DNAH14: variants seen among roughly 807,000 people sequenced by gnomAD.
DNAH14 encodes the protein dynein axonemal heavy chain 14.
In DNAH14, 478 loss-of-function variants were observed where a neutral mutation model predicts 520.9. The observed-to-expected ratio is 0.92, with a 90% CI of 0.85 to 0.99. The LOEUF (loss-of-function observed/expected upper bound fraction) is 0.99. Among genes scored for constraint, DNAH14 ranks in the 50% least tolerant of loss-of-function variants. The probability of loss-of-function intolerance (pLI) is 0.00; values close to 1 mark genes in which losing one functional copy is unlikely to be tolerated. For synonymous variants in DNAH14, 1,581 were observed against 1,757.2 expected, an observed-to-expected ratio of 0.90 and a Z score of 2.51; for missense variants, 4,831 against 5,234.5, an observed-to-expected ratio of 0.92 and a Z score of 2.38.
chr1:225,158,892 A>G lies in DNAH14; in HGVS notation c.5274-422A>G, dbSNP rs114274558. On this transcript the variant is annotated intron_variant, in intron 34 of 85. Coordinates refer to ENST00000682510, the MANE Select transcript of DNAH14 (RefSeq NM_001367479.1). ...TCTGGATCCATTGATGATGGCAGAC[A>G]TGTTTTCATAAGACCAGTTCTGTAG... Among the ~76,000 whole-genome samples the G allele has an allele frequency of 4.7e-3, 713 of 152,288 alleles. 4 individuals are homozygous for G. The highest frequency in any genetic ancestry group is 0.016 in the African/African-American group (667 of 41,566).
intron 36 of DNAH14, among the ~76,000 whole-genome samples, chr1:225,178,876 T>C (rs1352158033): frequency 6.6e-6 from 1 of 152,100 alleles, no homozygotes; most frequent in Non-Finnish European, 1.5e-5. Context: ...GTAATTGAAT[T>C]ATGGATCAAG....
intron 66 of DNAH14, among the ~76,000 whole-genome samples, chr1:225,335,997 G>GTA (rs2095033361): frequency 1.2e-5 from 1 of 84,746 alleles, no homozygotes; most frequent in Non-Finnish European, 2.4e-5. Flanking sequence ...ACACACATAT[G>GTA]CATATATGTA....
intron 81 of DNAH14, among the ~76,000 whole-genome samples, chr1:225,384,566 A>T (rs1471148703): frequency 6.6e-6 from 1 of 152,214 alleles, no homozygotes; most frequent in African/African-American, 2.4e-5. Flanking sequence ...ATCCCACAGA[A>T]ATACAAACTA....
intron 73 of DNAH14, among the ~76,000 whole-genome samples, chr1:225,356,653 C>A (rs2095432751): frequency 6.6e-6 from 1 of 151,998 alleles, no homozygotes; most frequent in Non-Finnish European, 1.5e-5. Flanking sequence ...TGGAGATATG[C>A]CTGTATATGT....
intron 15 of DNAH14, among the ~76,000 whole-genome samples, chr1:225,044,188 A>C (rs2067732356): frequency 6.6e-6 from 1 of 152,164 alleles, no homozygotes; most frequent in Non-Finnish European, 1.5e-5. Flanking sequence ...GAGTGCATAA[A>C]AGATGAGAAT....
chr1:225,177,837 G>T (rs2083497064), intron 36 of DNAH14, among the ~76,000 whole-genome samples: 1 of 152,160 alleles, frequency 6.6e-6, no homozygotes, highest in African/African-American at 2.4e-5. Context: ...GGAAATGTGG[G>T]GTTGAAGCCC....
intron 54 of DNAH14, 56 bp downstream of exon 54, chr1:225,277,558 A>G (rs532666292): frequency 1.3e-5 from 6 of 461,980 alleles, no homozygotes; most frequent in African/African-American, 6.0e-5. Context: ...ATAAATCCCA[A>G]TAAAATCTAC....
intron 74 of DNAH14, among the ~76,000 whole-genome samples, chr1:225,360,243 A>G (rs561525224): frequency 6.6e-6 from 1 of 152,332 alleles, no homozygotes; most frequent in South Asian, 2.1e-4. Context: ...TATCTAGTCT[A>G]TCATTGATGG....
intron 23 of DNAH14, among the ~76,000 whole-genome samples, chr1:225,107,407 A>T (rs952306653): frequency 2.6e-5 from 4 of 152,164 alleles, no homozygotes; most frequent in African/African-American, 9.7e-5. Flanking sequence ...ACTGAAACTG[A>T]GTTCCTTTTA....
chr1:225,359,766 T>C (rs1487451480), intron 74 of DNAH14, among the ~76,000 whole-genome samples: 1 of 152,210 alleles, frequency 6.6e-6, no homozygotes, highest in African/African-American at 2.4e-5. Flanking sequence ...AACAACAGAA[T>C]GGAAGCAAGG....
intron 27 of DNAH14, among the ~76,000 whole-genome samples, chr1:225,130,643 G>A (rs935699307): frequency 1.5e-5 from 2 of 130,944 alleles, no homozygotes; most frequent in Non-Finnish European, 3.2e-5. Context: ...ACACAGGAAG[G>A]GGAGCATCAC....
chr1:225,335,130 T>C (rs2094899829), intron 66 of DNAH14, among the ~76,000 whole-genome samples: 3 of 141,744 alleles, frequency 2.1e-5, no homozygotes, highest in Non-Finnish European at 4.6e-5. Context: ...TGTGTACATA[T>C]GTGCATGTGC....
At chr1:225,289,796 A>C (rs941099345) in intron 54 of DNAH14, 89 bp from the exon 55 acceptor site, 1 of 951,466 alleles carries the variant, frequency 1.1e-6, no homozygotes, top group Non-Finnish European at 1.4e-6. Flanking sequence ...TTACATCAAA[A>C]TTTCTAGCAC....
chr1:225,228,962 A>G lies in DNAH14; in HGVS notation c.6440-2111A>G, dbSNP rs140007391. Among the ~76,000 whole-genome samples the G allele has an allele frequency of 4.6e-5, 7 of 152,286 alleles. No homozygotes were observed. The East Asian group carries it at 1.4e-3, about 29-fold the overall frequency. ...CAAAGGAATGTAGAGGAGTTTATCT[A>G]AATAGCTTGTTTACTCATGTTGTCC... On this transcript the variant is annotated intron_variant, in intron 41 of 85. Coordinates refer to ENST00000682510, the MANE Select transcript of DNAH14 (RefSeq NM_001367479.1).
chr1:225,338,060 G>A lies in DNAH14; in HGVS notation c.10312-1G>A, dbSNP rs2150364672. 6.6e-7 allele frequency: 1 copy of A among 1,508,736 alleles called. No homozygotes were observed. Among genetic ancestry groups the A allele is most frequent in the Non-Finnish European group, 8.8e-7 (1 of 1,133,428 alleles). 93.5% of individuals were successfully genotyped at this position (1,508,736 alleles called of 1,614,324 possible). A position where few individuals can be genotyped will look rare whatever the true frequency, so the allele number is the denominator to read the frequency against. On this transcript the variant is annotated splice_acceptor_variant, in intron 67 of 85. Coordinates refer to ENST00000682510, the MANE Select transcript of DNAH14 (RefSeq NM_001367479.1). LOFTEE classifies it high-confidence loss of function. Reference sequence around the variant, plus strand: ...TTATTTTTGTCTATTGGGTTTTTCAGAATCTCCTTGAGACATTAGCTCCAG... The same window carrying A: ...TTATTTTTGTCTATTGGGTTTTTCAAAATCTCCTTGAGACATTAGCTCCAG...
intron 11 of DNAH14, chr1:225,024,173 A>T: frequency 1.0e-6 from 1 of 990,200 alleles, no homozygotes; most frequent in Non-Finnish European, 1.2e-6. Flanking sequence ...TAATTTAGCA[A>T]ATATATTTTT....
chr1:225,091,158 G>A (rs571952110), intron 21 of DNAH14, among the ~76,000 whole-genome samples: 1 of 152,184 alleles, frequency 6.6e-6, no homozygotes, highest in East Asian at 1.9e-4. Context: ...AAACAACTTA[G>A]AAAACGTATT....
chr1:225,382,434 C>T (rs899080731), intron 81 of DNAH14, among the ~76,000 whole-genome samples: 3 of 152,086 alleles, frequency 2.0e-5, no homozygotes, highest in African/African-American at 4.8e-5. Flanking sequence ...AGGCCGGGCA[C>T]AGGGCCTCAT....
chr1:225,149,048 A>G (rs560808117), intron 31 of DNAH14, among the ~76,000 whole-genome samples: 47 of 151,822 alleles, frequency 3.1e-4, no homozygotes, highest in African/African-American at 1.1e-3. Flanking sequence ...CCAAAATGGT[A>G]CTGCCTAGGT....
Sources: allele counts gnomAD v4.1 joint callset (sites outside exome capture counted in the v4.1 genomes callset), GRCh38; gene constraint gnomAD v4.1.1; transcripts MANE v1.5; gene names NCBI Gene and HGNC (gene_info 2026-07-23, HGNC 2026-07-21).